PRH1: variants seen among roughly 807,000 people sequenced by gnomAD.
The protein encoded by PRH1 is salivary acidic proline-rich phosphoprotein 1/2.
Under a neutral mutation model 7.9 loss-of-function variants are expected in PRH1, and 7 were observed. That is an observed-to-expected ratio of 0.89 (90% CI 0.50 to 1.67). The LOEUF (loss-of-function observed/expected upper bound fraction) is 1.67. Ranked by LOEUF, PRH1 falls within the 40% of genes most tolerant of loss-of-function variation. The pLI is 0.00. For missense variants in PRH1, 109 were observed against 223.6 expected, an observed-to-expected ratio of 0.49 and a Z score of 3.27; for synonymous variants, 45 against 80.8, an observed-to-expected ratio of 0.56 and a Z score of 2.38.
upstream of PRH1, chr12:11,048,891 CTT>C: frequency 3.7e-6 from 1 of 268,634 alleles, no homozygotes; most frequent in South Asian, 7.2e-5. Context: ...TAATCCTTTT[CTT>C]TAGGTGGAGA....
At chr12:11,142,381 T>A in intron 1 of PRH1, among the ~76,000 whole-genome samples, 1 of 152,132 alleles carries the variant, frequency 6.6e-6, no homozygotes, top group South Asian at 2.1e-4. Flanking sequence ...AGTGACAAGA[T>A]CACAAAAAGA....
Position 10,986,818 on chromosome 12 carries a change from C to A in PRH1, c.-125-13097G>T, listed in dbSNP as rs754493716. On this transcript the variant is annotated intron_variant, in intron 1 of 3. Coordinates refer to the PRH1 transcript ENST00000539853. Reference sequence around the variant, plus strand: ...GCAAAGTTTCCGAGAACAAATAAAACCATTATTAGAATTGAAAAAAAAATG... The same window carrying A: ...GCAAAGTTTCCGAGAACAAATAAAAACATTATTAGAATTGAAAAAAAAATG... The A allele has an allele frequency of 3.2e-6, 5 of 1,561,556 alleles. No individual in the cohort carries two copies. The Admixed American group carries it at 6.5e-5, about 20-fold the overall frequency.
chr12:10,915,398 C>G (rs542656326), intron 2 of PRH1, among the ~76,000 whole-genome samples: 3 of 152,236 alleles, frequency 2.0e-5, no homozygotes, highest in Middle Eastern at 3.4e-3. Flanking sequence ...CAACAAAACA[C>G]AGCAAATATA....
intron 2 of PRH1, among the ~76,000 whole-genome samples, chr12:10,953,869 G>T (rs1937814677): frequency 6.6e-6 from 1 of 152,074 alleles, no homozygotes; most frequent in Admixed American, 6.6e-5. Context: ...GAGAGAAAGG[G>T]CAGGTCACCT....
intron 2 of PRH1, among the ~76,000 whole-genome samples, chr12:10,928,919 G>A (rs1190358796): frequency 6.6e-6 from 1 of 152,198 alleles, no homozygotes; most frequent in East Asian, 1.9e-4. Flanking sequence ...GTGGAAAGCA[G>A]AATAGCAGTC....
intron 2 of PRH1, among the ~76,000 whole-genome samples, chr12:10,914,416 G>C (rs1949944501): frequency 6.6e-6 from 1 of 152,204 alleles, no homozygotes; most frequent in Non-Finnish European, 1.5e-5. Context: ...ATTTCTAAAA[G>C]AGGAAGATTA....
In PRH1 at chr12:10,997,527, T is replaced by C. The variant is rs558745698; in HGVS notation, c.-125-23806A>G. The stretch of plus-strand genomic sequence containing the variant: ...GCCTTCCTTTTTAAGTGATGAAAAA[T>C]AAGTCTGGAGAAATTGACGATCTTG... On this transcript the variant is annotated intron_variant, in intron 1 of 3. Coordinates refer to the PRH1 transcript ENST00000539853. 9 of 1,613,932 alleles carry C rather than the reference T, an allele frequency of 5.6e-6. No individual in the cohort carries two copies. In the African/African-American group the frequency reaches 6.7e-5, roughly 12 times the overall value.
intron 2 of PRH1, among the ~76,000 whole-genome samples, chr12:10,944,792 C>G (rs1030354984): frequency 2.0e-5 from 3 of 152,066 alleles, no homozygotes; most frequent in South Asian, 4.1e-4. Flanking sequence ...TTATCAAAAG[C>G]CTTTTCTGCA....
intron 1 of PRH1, chr12:11,062,146 G>A: frequency 5.6e-6 from 9 of 1,613,620 alleles, no homozygotes; most frequent in Non-Finnish European, 7.6e-6. Context: ...GACTGCCAGA[G>A]CAGTGAGAAT....
At chr12:10,912,040 C>T (rs1326207805) in intron 2 of PRH1, among the ~76,000 whole-genome samples, 2 of 152,120 alleles carry the variant, frequency 1.3e-5, no homozygotes, top group African/African-American at 4.8e-5. Context: ...TAATACTGTA[C>T]ACAATATTTT....
chr12:11,089,810 T>C (rs117530547), intron 1 of PRH1, among the ~76,000 whole-genome samples: 11,348 of 111,900 alleles, frequency 0.1, 3,336 homozygotes, highest in South Asian at 0.31. Context: ...ATAGGTGCCA[T>C]CTAATTTTGA....
At chr12:11,104,179 A>G (rs1945339110) in intron 1 of PRH1, among the ~76,000 whole-genome samples, 1 of 130,798 alleles carries the variant, frequency 7.6e-6, no homozygotes, top group African/African-American at 2.6e-5. Flanking sequence ...CAAATGAAAG[A>G]GTAAAAAAAA....
downstream of PRH1, among the ~76,000 whole-genome samples, chr12:11,119,103 C>T (rs1390154184): frequency 2.0e-5 from 3 of 150,556 alleles, no homozygotes; most frequent in Admixed American, 1.3e-4. Flanking sequence ...TGCAGCAATA[C>T]GGATGGAATT....
intron 2 of PRH1, among the ~76,000 whole-genome samples, chr12:10,890,403 T>TTG (rs141434327): frequency 1.2e-3 from 179 of 150,372 alleles, no homozygotes; most frequent in Non-Finnish European, 1.9e-3. Context: ...GTGTGTGTGT[T>TTG]TGTGTGTGTG....
At chr12:10,920,405 AT>A (rs1414806028) in intron 2 of PRH1, among the ~76,000 whole-genome samples, 1 of 152,174 alleles carries the variant, frequency 6.6e-6, no homozygotes, top group Admixed American at 6.5e-5. Context: ...ATTTTTGCAT[AT>A]CTATATAGTT....
chr12:11,031,359 GT>G (rs774250089), intron 1 of PRH1: 1 of 1,445,108 alleles, frequency 6.9e-7, no homozygotes, highest in Non-Finnish European at 9.4e-7. Flanking sequence ...AAAAAAAATT[GT>G]TTTAATGCTG....
intron 1 of PRH1, among the ~76,000 whole-genome samples, chr12:11,166,919 G>T (rs1015594082): frequency 1.1e-4 from 17 of 152,038 alleles, no homozygotes; most frequent in Non-Finnish European, 7.4e-5. Context: ...CTTGGTTTGG[G>T]GCCTCCTTCA....
intron 2 of PRH1, among the ~76,000 whole-genome samples, chr12:10,972,928 A>ACCCCCCCCCT (rs199859766): frequency 1.0e-5 from 1 of 100,326 alleles, no homozygotes; most frequent in African/African-American, 3.8e-5. Flanking sequence ...AAGCACCACA[A>ACCCCCCCCCT]CCCACCCCCC....
chr12:11,031,987 A>G (rs1942245086), intron 1 of PRH1, among the ~76,000 whole-genome samples: 2 of 152,268 alleles, frequency 1.3e-5, no homozygotes, highest in Admixed American at 1.3e-4. Flanking sequence ...GTGTCAAGCC[A>G]GAAATAACCA....
Sources: gnomAD v4.1 joint callset for allele counts (sites outside exome capture counted in the v4.1 genomes callset) on GRCh38, gnomAD v4.1.1 for gene constraint, MANE v1.5 for transcripts, NCBI Gene and HGNC (gene_info 2026-07-23, HGNC 2026-07-21) for gene names.